Variants in LIG4 observed in about 807,000 individuals in gnomAD.
LIG4 encodes DNA ligase 4.
LIG4 carries 13 observed loss-of-function variants against 19.0 expected under a neutral mutation model. That is an observed-to-expected ratio of 0.68 (90% CI 0.44 to 1.09). LIG4 has a LOEUF of 1.09. LIG4 is among the 50% of genes least tolerant of loss of function. The pLI is 0.00. For synonymous variants in LIG4, 361 were observed against 358.2 expected (o/e 1.01, Z -0.09); for missense variants, 1,026 against 1,089.7 (o/e 0.94, Z 0.82).
chr13:108,209,946 G>C lies in LIG4; in HGVS notation c.1323C>G (p.Asp441Glu). ...TTTTTAACCACCCTTCACCTCTTTTGTCTGGCTTGTAGATGGATAGAGGTT... is the reference window on the plus strand; with the variant it reads ...TTTTTAACCACCCTTCACCTCTTTTCTCTGGCTTGTAGATGGATAGAGGTT... ...VKQPLSIYKP[D>E]KRGEGWLKIK... The change falls in exon 3 of 3, where the codon GAC becomes GAG. Residue 441 changes from aspartate (D) to glutamate (E), a missense_variant. Around this residue, in one of 3 missense-constraint regions of LIG4, gnomAD observed 493 missense variants for 544.5 expected, o/e 0.91. Coordinates refer to ENST00000442234, the MANE Select transcript of LIG4 (RefSeq NM_206937.2). The C allele has an allele frequency of 6.2e-7, 1 of 1,613,838 alleles. No individual in the cohort carries two copies. Among genetic ancestry groups the C allele is most frequent in the South Asian group, 1.1e-5 (1 of 91,086 alleles).
At chr13:108,216,319 A>C (rs111773107), upstream of LIG4, among the ~76,000 whole-genome samples, 2 of 152,300 alleles carry the variant, frequency 1.3e-5, no homozygotes, top group African/African-American at 4.8e-5. Context: ...ATTCATAAAG[A>C]GGGGTGGAAA....
upstream of LIG4, among the ~76,000 whole-genome samples, chr13:108,216,597 T>C (rs1879306587): frequency 6.6e-6 from 1 of 152,242 alleles, no homozygotes; most frequent in Non-Finnish European, 1.5e-5. Context: ...ATCTGTGATG[T>C]TGTAAAGTCT....
In LIG4 at chr13:108,210,562, C is replaced by T. The variant is rs1456131670; in HGVS notation, c.707G>A (p.Ser236Asn). The change falls in exon 3 of 3, where the codon AGT becomes AAT. Residue 236 changes from serine to asparagine, a missense_variant. Ser to Asn is a conservative substitution (Grantham distance 46). This residue lies in a region of LIG4 where 493 missense variants were observed against 544.5 expected (regional missense o/e 0.91). Coordinates refer to ENST00000442234, the MANE Select transcript of LIG4 (RefSeq NM_206937.2). ...RQLHDPSVGL[S>N]DISITLFSAF... Reference sequence around the variant, plus strand: ...AGAAAATAAAGTGATAGAAATATCACTGAGTCCTACAGAAGGATCATGCAG... The same window carrying T: ...AGAAAATAAAGTGATAGAAATATCATTGAGTCCTACAGAAGGATCATGCAG... 6.2e-7 allele frequency: 1 copy of T among 1,612,854 alleles called. No individual in the cohort carries two copies. The highest frequency in any genetic ancestry group is 8.5e-7 in the Non-Finnish European group (1 of 1,179,904).
At chr13:108,211,793 G>A (rs984236945) in intron 2 of LIG4, among the ~76,000 whole-genome samples, 1 of 152,106 alleles carries the variant, frequency 6.6e-6, no homozygotes, top group African/African-American at 2.4e-5. Context: ...CTCATTTGCT[G>A]AACTGAAATT....
chr13:108,208,846 G>C lies in LIG4; in HGVS notation c.2423C>G (p.Ser808Cys), dbSNP rs191975795. The change falls in exon 3 of 3, where the codon TCT becomes TGT. Residue 808 changes from serine to cysteine, a missense_variant. Ser to Cys is a moderately radical substitution (Grantham distance 112). This residue lies in a region of LIG4 where 521 missense variants were observed against 515.5 expected (regional missense o/e 1.01). Coordinates refer to ENST00000442234, the MANE Select transcript of LIG4 (RefSeq NM_206937.2). ...DLEYRYSWDC[S>C]PLSMFRRHTV... The stretch of plus-strand genomic sequence containing the variant: ...GTGGCGTCGAAACATACTGAGAGGA[G>C]AGCAATCCCAGGAATACCGATATTC... The C allele has an allele frequency of 8.7e-6, 14 of 1,614,096 alleles. 1 individual carries two copies. In the South Asian group the frequency reaches 1.3e-4, roughly 15 times the overall value.
chr13:108,217,170 G>C (rs932112238), upstream of LIG4, among the ~76,000 whole-genome samples: 1 of 152,162 alleles, frequency 6.6e-6, no homozygotes, highest in Non-Finnish European at 1.5e-5. Flanking sequence ...CTTGAGGTCA[G>C]GAGTTTGACA....
intron 2 of LIG4, among the ~76,000 whole-genome samples, chr13:108,211,556 T>C (rs760497889): frequency 2.0e-5 from 3 of 152,240 alleles, no homozygotes; most frequent in Non-Finnish European, 4.4e-5. Flanking sequence ...ACAGAAATCA[T>C]TTTAATTTTC....
In LIG4 at chr13:108,208,361, T is replaced by G. The variant is rs1158987829; in HGVS notation, c.*172A>C. 3.5e-6 allele frequency: 2 copies of G among 571,708 alleles called. No homozygotes were observed. Among genetic ancestry groups the G allele is most frequent in the Admixed American group, 3.3e-5 (1 of 30,458 alleles). 35.4% of individuals were successfully genotyped at this position (571,708 alleles called of 1,614,324 possible). The stretch of plus-strand genomic sequence containing the variant: ...TAATTTTTCTTTCTTGGCTTTGGGC[T>G]ATTGTCTTTTCAACCTTAAAAGTTA... On this transcript the variant is annotated 3_prime_UTR_variant, in exon 3 of 3. Coordinates refer to ENST00000442234, the MANE Select transcript of LIG4 (RefSeq NM_206937.2).
Position 108,208,963 on chromosome 13 carries a change from G to T in LIG4, c.2306C>A (p.Thr769Lys). ...TACTTCCTTCAGTTGGTTCAAGTCT[G>T]TATCAATGAAATAACTATCACCATA... ...DCYGDSYFID[T>K]DLNQLKEVFS... The change falls in exon 3 of 3, where the codon ACA (threonine) becomes AAA (lysine). Residue 769 changes from threonine to lysine, a missense_variant. Coordinates refer to ENST00000442234, the MANE Select transcript of LIG4 (RefSeq NM_206937.2). 1 of 1,614,122 alleles carries T rather than the reference G, an allele frequency of 6.2e-7. No homozygotes were observed. Among genetic ancestry groups the T allele is most frequent in the South Asian group, 1.1e-5 (1 of 91,072 alleles).
Position 108,210,689 on chromosome 13 carries a change from A to C in LIG4, c.580T>G (p.Leu194Val). 3 of 1,613,902 alleles carry C rather than the reference A, an allele frequency of 1.9e-6. No homozygotes were observed. The highest frequency in any genetic ancestry group is 4.5e-5 in the East Asian group (2 of 44,870). ...KWLIRMIIKD[L>V]KLGVSQQTIF... The stretch of plus-strand genomic sequence containing the variant: ...GTTTGCTGACTAACACCAAGCTTTA[A>C]ATCCTTTATGATCATCCGTATAAGC... Residue 194 changes from leucine (L) to valine (V), a missense_variant, in exon 3 of 3, where the codon TTA (leucine) becomes GTA (valine). Around this residue, in one of 3 missense-constraint regions of LIG4, gnomAD observed 493 missense variants for 544.5 expected, o/e 0.91. Transcript: ENST00000442234.
Position 108,208,851 on chromosome 13 carries a change from A to G in LIG4, c.2418T>C (p.Asp806=). The G allele has an allele frequency of 1.2e-6, 2 of 1,614,170 alleles. No individual in the cohort carries two copies. Among genetic ancestry groups the G allele is most frequent in the Non-Finnish European group, 1.7e-6 (2 of 1,180,028 alleles). ...GTCGAAACATACTGAGAGGAGAGCA[A>G]TCCCAGGAATACCGATATTCTAAAT... The part of the protein sequence containing the change: ...IADLEYRYSW[D]CSPLSMFRRH... The change falls in exon 3 of 3, where the codon GAT becomes GAC. Residue 806 remains aspartate (D), a synonymous_variant. Coordinates refer to ENST00000442234, the MANE Select transcript of LIG4 (RefSeq NM_206937.2).
chr13:108,210,047 C>T lies in LIG4; in HGVS notation c.1222G>A (p.Ala408Thr). ...GRIEIVQKTQ[A>T]HTKNEVIDAL... ...TCAATTACTTCATTCTTAGTATGAG[C>T]TTGTGTTTTCTGCACTATTTCTATT... Residue 408 changes from alanine to threonine, a missense_variant, in exon 3 of 3, where the codon GCT (alanine) becomes ACT (threonine). Transcript: ENST00000442234. 6.2e-7 allele frequency: 1 copy of T among 1,612,474 alleles called. No homozygotes were observed.
Position 108,209,493 on chromosome 13 carries a change from C to T in LIG4, c.1776G>A (p.Glu592=). The change falls in exon 3 of 3, where the codon GAG becomes GAA. Residue 592 remains glutamate (E), a synonymous_variant. Transcript: ENST00000442234. ...EKIRDDKEWH[E]CMTLDDLEQL... ...GTTCTAGGTCGTCCAGGGTCATGCACTCATGCCACTCCTTGTCATCTCTTA... is the reference window on the plus strand; with the variant it reads ...GTTCTAGGTCGTCCAGGGTCATGCATTCATGCCACTCCTTGTCATCTCTTA... The T allele has an allele frequency of 6.2e-7, 1 of 1,614,168 alleles. No homozygotes were observed. Among genetic ancestry groups the T allele is most frequent in the African/African-American group, 1.3e-5 (1 of 75,036 alleles).
chr13:108,211,557 TTTAA>T (rs1878670835), intron 2 of LIG4, among the ~76,000 whole-genome samples: 1 of 152,222 alleles, frequency 6.6e-6, no homozygotes. Context: ...CAGAAATCAT[TTTAA>T]TTTTCTCTTT....
In LIG4 at chr13:108,208,586, T is replaced by C. The variant is rs779925057; in HGVS notation, c.2683A>G (p.Thr895Ala). 5.6e-6 allele frequency: 9 copies of C among 1,613,150 alleles called. No individual in the cohort carries two copies. The highest frequency in any genetic ancestry group is 6.8e-6 in the Non-Finnish European group (8 of 1,179,370). ...AATTCACACTTGTCTATTGAATCAG[T>C]TACCCAACTTTCTTTTAGGATTTTA... ...KFKILKESWVTDSIDKCELQE... is the reference protein window; with the variant it reads ...KFKILKESWVADSIDKCELQE... Residue 895 changes from threonine (T) to alanine (A), a missense_variant, in exon 3 of 3, where the codon ACT becomes GCT. Physicochemically the swap from Thr to Ala is moderately conservative, Grantham distance 58. Coordinates refer to ENST00000442234, the MANE Select transcript of LIG4 (RefSeq NM_206937.2).
Position 108,208,622 on chromosome 13 carries a change from T to G in LIG4, c.2647A>C (p.Lys883Gln). Residue 883 changes from lysine (K) to glutamine (Q), a missense_variant, in exon 3 of 3, where the codon AAG (lysine) becomes CAG (glutamine). Lys to Gln is a moderately conservative substitution (Grantham distance 53). This residue lies in a region of LIG4 where 521 missense variants were observed against 515.5 expected (regional missense o/e 1.01). Coordinates refer to ENST00000442234, the MANE Select transcript of LIG4 (RefSeq NM_206937.2). ...TCTTTTAGGATTTTAAACTTTCTCT[T>G]AAAAGTTCTTCTAAAAGCTTTAAAA... ...ADFKAFRRTF[K>Q]RKFKILKESW... 1 of 1,613,140 alleles carries G rather than the reference T, an allele frequency of 6.2e-7. No individual in the cohort carries two copies. Among genetic ancestry groups the G allele is most frequent in the African/African-American group, 1.3e-5 (1 of 74,974 alleles).
At chr13:108,217,898 C>T (rs941481166), upstream of LIG4, among the ~76,000 whole-genome samples, 1 of 152,088 alleles carries the variant, frequency 6.6e-6, no homozygotes, top group African/African-American at 2.4e-5. Context: ...ACTTCCAAGG[C>T]CTTGAGAGGG....
rs1177447687 is a variant in LIG4 at position 108,209,833 on chromosome 13, A to G, written c.1436T>C (p.Met479Thr). 1.2e-6 allele frequency: 2 copies of G among 1,614,066 alleles called. No homozygotes were observed. The highest frequency in any genetic ancestry group is 4.5e-5 in the East Asian group (2 of 44,894). ...GYWGKGSRGG[M>T]MSHFLCAVAE... ...TACTGCACACAGAAAATGAGACATCATTCCACCCCGTGATCCTTTACCCCA... is the reference window on the plus strand; with the variant it reads ...TACTGCACACAGAAAATGAGACATCGTTCCACCCCGTGATCCTTTACCCCA... The change falls in exon 3 of 3, where the codon ATG becomes ACG. Residue 479 changes from methionine to threonine, a missense_variant. By Grantham distance (81) the Met-to-Thr change is moderately conservative (BLOSUM62 -1). Around this residue, in one of 3 missense-constraint regions of LIG4, gnomAD observed 12 missense variants for 29.6 expected, o/e 0.40. Transcript: ENST00000442234.
Position 108,210,006 on chromosome 13 carries a change from T to C in LIG4, c.1263A>G (p.Ala421=), listed in dbSNP as rs1594460576. ...KNEVIDALNE[A]IDKREEGIMV... is the part of the protein sequence containing the mutation. ...TAATTCCCTCTTCTCTTTTATCTAT[T>C]GCTTCATTCAATGCATCAATTACTT... The change falls in exon 3 of 3, where the codon GCA becomes GCG. Residue 421 remains alanine (A), a synonymous_variant. Transcript: ENST00000442234. 6.2e-7 allele frequency: 1 copy of C among 1,612,272 alleles called. No individual in the cohort carries two copies. Among genetic ancestry groups the C allele is most frequent in the Non-Finnish European group, 8.5e-7 (1 of 1,179,988 alleles).
Sources: allele counts gnomAD v4.1 joint callset (sites outside exome capture counted in the v4.1 genomes callset), GRCh38; gene constraint gnomAD v4.1.1; regional missense constraint gnomAD v4.1.1; transcripts MANE v1.5; gene names NCBI Gene and HGNC (gene_info 2026-07-23, HGNC 2026-07-21).